PTH2R: variants seen among roughly 807,000 people sequenced by gnomAD.
PTH2R encodes the protein PTH2 receptor.
A neutral mutation model predicts 60.3 loss-of-function variants in PTH2R; 59 were observed. That is an observed-to-expected ratio of 0.98 (90% confidence interval 0.79 to 1.22). The LOEUF (loss-of-function observed/expected upper bound fraction) is 1.22. PTH2R is among the 50% of genes most tolerant of loss of function. PTH2R has a pLI of 0.00. For missense variants in PTH2R, 749 were observed against 682.6 expected, an observed-to-expected ratio of 1.10 and a Z score of -1.08; for synonymous variants, 256 against 243.8, an observed-to-expected ratio of 1.05 and a Z score of -0.47.
chr2:208,364,736 T>C (rs534921648), intron 1 of PTH2R, among the ~76,000 whole-genome samples: 16 of 152,324 alleles, frequency 1.1e-4, no homozygotes, highest in African/African-American at 3.6e-4. Context: ...AAGGATTGAA[T>C]TGAATCTGTA....
intron 5 of PTH2R, 66 bp from the exon 6 acceptor site, chr2:208,443,282 C>T (rs1356418640): frequency 1.2e-5 from 17 of 1,378,428 alleles, no homozygotes; most frequent in Non-Finnish European, 1.3e-5. Context: ...TGGCAGCAGT[C>T]GCACTGGGTG....
At chr2:208,430,965 T>C (rs1311847712) in intron 2 of PTH2R, among the ~76,000 whole-genome samples, 1 of 152,156 alleles carries the variant, frequency 6.6e-6, no homozygotes, top group Non-Finnish European at 1.5e-5. Flanking sequence ...TGTACATCTG[T>C]ATCTTTATTC....
intron 8 of PTH2R, among the ~76,000 whole-genome samples, chr2:208,452,425 G>A (rs546655070): frequency 1.3e-5 from 2 of 152,258 alleles, no homozygotes; most frequent in Admixed American, 6.5e-5. Context: ...TTAAAAAATA[G>A]CATTTTTGTA....
intron 1 of PTH2R, among the ~76,000 whole-genome samples, chr2:208,423,181 T>C (rs1456276501): frequency 1.3e-5 from 2 of 152,140 alleles, no homozygotes; most frequent in African/African-American, 4.8e-5. Context: ...TGGGAGATTA[T>C]ATTACTGATG....
chr2:208,444,930 A>G (rs1403790685), intron 7 of PTH2R, 43 bp downstream of exon 7: 4 of 1,563,588 alleles, frequency 2.6e-6, no homozygotes, highest in Admixed American at 3.6e-5. Context: ...TGGATGATGC[A>G]TTTGATGACA....
intron 4 of PTH2R, among the ~76,000 whole-genome samples, chr2:208,438,109 T>A (rs1255838551): frequency 2.0e-5 from 3 of 151,340 alleles, no homozygotes; most frequent in African/African-American, 7.3e-5. Context: ...CTTATACCTG[T>A]GTGTGTGTTA....
intron 1 of PTH2R, among the ~76,000 whole-genome samples, chr2:208,371,299 A>G (rs1700696540): frequency 6.6e-6 from 1 of 152,150 alleles, no homozygotes. Context: ...CCTGTCCAAG[A>G]GTTCTGCTAT....
intron 10 of PTH2R, among the ~76,000 whole-genome samples, chr2:208,487,114 A>G (rs983889566): frequency 1.3e-5 from 2 of 152,166 alleles, no homozygotes; most frequent in African/African-American, 2.4e-5. Flanking sequence ...TCTAGCTCCT[A>G]TTGTCAAGAG....
At chr2:208,388,125 T>C (rs555073131) in intron 1 of PTH2R, among the ~76,000 whole-genome samples, 124 of 80,056 alleles carry the variant, frequency 1.5e-3, no homozygotes, top group African/African-American at 6.2e-3. Context: ...CTGGCTAACA[T>C]GGTGAAACCC....
chr2:208,413,200 G>A (rs2105838180), intron 1 of PTH2R, among the ~76,000 whole-genome samples: 1 of 151,648 alleles, frequency 6.6e-6, no homozygotes, highest in East Asian at 1.9e-4. Context: ...TAGAAGACTG[G>A]CAATTTGAAC....
At chr2:208,452,280 A>G (rs1184456016) in intron 8 of PTH2R, among the ~76,000 whole-genome samples, 1 of 152,222 alleles carries the variant, frequency 6.6e-6, no homozygotes, top group Non-Finnish European at 1.5e-5. Flanking sequence ...TTGTTGTTGT[A>G]AGAATAAATG....
chr2:208,399,445 G>A (rs1303040477), intron 1 of PTH2R, among the ~76,000 whole-genome samples: 1 of 152,102 alleles, frequency 6.6e-6, no homozygotes, highest in Non-Finnish European at 1.5e-5. Flanking sequence ...GTTTGACCAG[G>A]TAGTTTATGC....
chr2:208,481,179 G>C lies in PTH2R; in HGVS notation c.1076+15G>C. On this transcript the variant is annotated intron_variant, in intron 10 of 12. Coordinates refer to ENST00000272847, the MANE Select transcript of PTH2R (RefSeq NM_005048.4). ...AAGCAATACAGGTAATTTCAGGAGA[G>C]GCATCCATCAGAGGAAATATTTTGG... The C allele has an allele frequency of 6.5e-7, 1 of 1,537,140 alleles. No individual in the cohort carries two copies. The highest frequency in any genetic ancestry group is 8.9e-7 in the Non-Finnish European group (1 of 1,120,996).
At chr2:208,452,326 G>A (rs558548668) in intron 8 of PTH2R, among the ~76,000 whole-genome samples, 8 of 152,322 alleles carry the variant, frequency 5.3e-5, no homozygotes, top group Middle Eastern at 3.4e-3. Context: ...GCAAAGTTTG[G>A]AATGTACTGA....
At chr2:208,360,536 C>G (rs1211330133) in intron 1 of PTH2R, 2 of 156,956 alleles carry the variant, frequency 1.3e-5, no homozygotes, top group African/African-American at 2.4e-5. Context: ...GCCGCCCTCT[C>G]GCTCGCTCGG....
intron 1 of PTH2R, among the ~76,000 whole-genome samples, chr2:208,391,709 G>T (rs574041734): frequency 6.6e-6 from 1 of 152,202 alleles, no homozygotes; most frequent in African/African-American, 2.4e-5. Flanking sequence ...TTGCTTGAGA[G>T]TTTTGGGGAG....
At position 208,493,247 on chromosome 2, in the gene PTH2R, T is replaced by G. The variant is rs375684606; in HGVS notation, c.1258-17T>G. On this transcript the variant is annotated splice_polypyrimidine_tract_variant and intron_variant, in intron 12 of 12. Transcript: ENST00000272847. Reference sequence around the variant, plus strand: ...CCTTTAGGATTTCTCATGCACAGCATGTTTCTCGTGGCTTAGGTTCAGGCA... The same window carrying G: ...CCTTTAGGATTTCTCATGCACAGCAGGTTTCTCGTGGCTTAGGTTCAGGCA... 16 of 1,488,446 alleles carry G rather than the reference T, an allele frequency of 1.1e-5. No homozygotes were observed. Among genetic ancestry groups the G allele is most frequent in the Non-Finnish European group, 1.4e-5 (16 of 1,117,058 alleles). The allele number at this position is 1,488,446 out of a possible 1,614,324, so 92.2% of individuals were successfully genotyped here. A position where few individuals can be genotyped will look rare whatever the true frequency, so the allele number is the denominator to read the frequency against.
At chr2:208,411,659 C>T (rs781380643) in intron 1 of PTH2R, among the ~76,000 whole-genome samples, 3 of 152,196 alleles carry the variant, frequency 2.0e-5, no homozygotes, top group Non-Finnish European at 2.9e-5. Flanking sequence ...GTTTTGTCAT[C>T]TACTGGAACC....
At chr2:208,422,814 A>T (rs370200275) in intron 1 of PTH2R, among the ~76,000 whole-genome samples, 3 of 152,192 alleles carry the variant, frequency 2.0e-5, no homozygotes, top group African/African-American at 7.2e-5. Flanking sequence ...CACAACCAAG[A>T]TAATAATATT....
Sources: gnomAD v4.1 joint callset for allele counts (sites outside exome capture counted in the v4.1 genomes callset) on GRCh38, gnomAD v4.1.1 for gene constraint, MANE v1.5 for transcripts, NCBI Gene and HGNC (gene_info 2026-07-23, HGNC 2026-07-21) for gene names.